The following BBS9 variants were observed in gnomAD, a reference collection of about 807,000 sequenced individuals.
The protein encoded by BBS9 is Bardet-Biedl syndrome 9.
A neutral mutation model predicts 117.7 loss-of-function variants in BBS9; 89 were observed. The ratio of observed to expected loss-of-function variants is 0.76; its 90% CI spans 0.64 to 0.90. The LOEUF is 0.90. Among genes scored for constraint, BBS9 ranks in the 40% least tolerant of loss-of-function variants. The pLI, the probability that BBS9 is intolerant of heterozygous loss-of-function variation, is 0.00. For missense variants in BBS9, 982 were observed against 1,042.2 expected (o/e 0.94, Z 0.80); for synonymous variants, 379 against 370.9 (o/e 1.02, Z -0.25).
chr7:33,610,195 G>A (rs1463937775), downstream of BBS9, among the ~76,000 whole-genome samples: 2 of 151,998 alleles, frequency 1.3e-5, no homozygotes, highest in Admixed American at 6.6e-5. Context: ...TTAAATTATT[G>A]GTTTGTTAAT....
chr7:33,265,733 C>CATGTAGCATGGAGGCCCATGCCTGTAG (rs1798699645), intron 7 of BBS9, among the ~76,000 whole-genome samples: 1 of 152,026 alleles, frequency 6.6e-6, no homozygotes, highest in Non-Finnish European at 1.5e-5. Flanking sequence ...GTTCTAGCTC[C>CATGTAGCATGGAGGCCCATGCCTGTAG]TTGGGAGGCT....
intron 21 of BBS9, among the ~76,000 whole-genome samples, chr7:33,601,816 C>T (rs1275052255): frequency 6.6e-6 from 1 of 152,126 alleles, no homozygotes; most frequent in Non-Finnish European, 1.5e-5. Flanking sequence ...CCTTGATCTC[C>T]CAGTGTCTTG....
At chr7:33,177,354 A>C (rs1214113393) in intron 4 of BBS9, 124 bp from the exon 5 acceptor site, 4 of 708,420 alleles carry the variant, frequency 5.6e-6, no homozygotes, top group Non-Finnish European at 1.0e-5. Flanking sequence ...ACAATACATA[A>C]TATTTTAGTG....
chr7:33,256,698 A>G (rs537001617), intron 5 of BBS9, among the ~76,000 whole-genome samples: 1 of 152,248 alleles, frequency 6.6e-6, no homozygotes, highest in East Asian at 1.9e-4. Context: ...CTTACTGTAT[A>G]TGGTGTATGA....
chr7:33,470,429 C>T (rs909611333), intron 19 of BBS9, among the ~76,000 whole-genome samples: 9 of 152,034 alleles, frequency 5.9e-5, no homozygotes. Flanking sequence ...TTCAGCTTCT[C>T]TCCCTAATCT....
intron 21 of BBS9, among the ~76,000 whole-genome samples, chr7:33,589,227 G>C (rs939941385): frequency 6.6e-6 from 1 of 152,054 alleles, no homozygotes; most frequent in Non-Finnish European, 1.5e-5. Context: ...AAAATGTTGT[G>C]TTTTCCTATA....
chr7:33,623,983 A>AT (rs1865526696), intron 21 of BBS9, among the ~76,000 whole-genome samples: 1 of 79,006 alleles, frequency 1.3e-5, no homozygotes, highest in South Asian at 3.5e-4. Flanking sequence ...TCATTCTATT[A>AT]TTAAAAAAAA....
At chr7:33,378,166 A>C (rs1824255628) in intron 17 of BBS9, among the ~76,000 whole-genome samples, 1 of 152,144 alleles carries the variant, frequency 6.6e-6, no homozygotes, top group Admixed American at 6.5e-5. Context: ...ATTTGTCTTT[A>C]TCACAGCACC....
intron 21 of BBS9, among the ~76,000 whole-genome samples, chr7:33,579,642 A>G (rs1859535072): frequency 6.6e-6 from 1 of 152,142 alleles, no homozygotes; most frequent in African/African-American, 2.4e-5. Flanking sequence ...CAACAACCAG[A>G]CTTCAGAATC....
Position 33,261,528 on chromosome 7 carries a change from A to G in BBS9, c.618-2762A>G, listed in dbSNP as rs1797982419. On this transcript the variant is annotated intron_variant, in intron 6 of 22. Transcript: ENST00000242067. ...ATAATGCTCTGTGTCTCGAGCTTCCATTTCTAGTAAAGTTCTCTGGGTTAC... is the reference window on the plus strand; with the variant it reads ...ATAATGCTCTGTGTCTCGAGCTTCCGTTTCTAGTAAAGTTCTCTGGGTTAC... Among the ~76,000 whole-genome samples the G allele has an allele frequency of 1.3e-5, 2 of 152,154 alleles. 1 individual carries two copies. Among genetic ancestry groups the G allele is most frequent in the South Asian group, 4.1e-4 (2 of 4,824 alleles).
At chr7:33,522,275 T>C (rs141996959) in intron 20 of BBS9, among the ~76,000 whole-genome samples, 18,863 of 151,964 alleles carry the variant, frequency 0.12, 1,250 homozygotes, top group African/African-American at 0.17. Context: ...AATCGGATTG[T>C]TGGGTCAAAT....
At chr7:33,266,890 G>A (rs1193172922) in intron 7 of BBS9, among the ~76,000 whole-genome samples, 2 of 152,092 alleles carry the variant, frequency 1.3e-5, no homozygotes, top group Non-Finnish European at 1.5e-5. Context: ...CTATAGGCAT[G>A]TATCACTATG....
chr7:33,218,443 T>G (rs537898968), intron 5 of BBS9, among the ~76,000 whole-genome samples: 1 of 152,242 alleles, frequency 6.6e-6, no homozygotes, highest in Non-Finnish European at 1.5e-5. Flanking sequence ...TAAAAGTGGC[T>G]TAAGCTCCTG....
rs545142492 is a variant in BBS9 at position 33,345,916 on chromosome 7, C to T, written c.1329+1282C>T. 3.3e-5 allele frequency among the ~76,000 whole-genome samples: 5 copies of T among 152,206 alleles called. No homozygotes were observed. In the East Asian group the frequency reaches 5.8e-4, roughly 18 times the overall value. On this transcript the variant is annotated intron_variant, in intron 12 of 22. Coordinates refer to ENST00000242067, the MANE Select transcript of BBS9 (RefSeq NM_198428.3). ...CCCCCAGCCAACCAGGAATTAGCAC[C>T]GTAAGTAAACATACCTTTCCCTCCC...
rs2128897954 is a variant in BBS9 at position 33,441,798 on chromosome 7, A to G, written c.2115+53654A>G. ...ACTTGGACTCTTGTGGAGCTCAGAA[A>G]GTTTAGGATGTGTTAAAGGAATTCC... On this transcript the variant is annotated intron_variant, in intron 19 of 22. Transcript: ENST00000242067. 2.0e-5 allele frequency among the ~76,000 whole-genome samples: 3 copies of G among 152,250 alleles called. 1 individual carries two copies. Among genetic ancestry groups the G allele is most frequent in the Admixed American group, 2.0e-4 (3 of 15,292 alleles).
intron 5 of BBS9, among the ~76,000 whole-genome samples, chr7:33,256,196 C>T (rs1342474213): frequency 1.3e-5 from 2 of 151,840 alleles, no homozygotes; most frequent in Admixed American, 1.3e-4. Flanking sequence ...ACCAAAACAA[C>T]AAAAACAAAG....
At chr7:33,252,164 G>A (rs1362369) in intron 5 of BBS9, among the ~76,000 whole-genome samples, 3,571 of 152,202 alleles carry the variant, frequency 0.023, 133 homozygotes, top group African/African-American at 0.081. Flanking sequence ...ACAAGATGTC[G>A]TGATAAATCA....
chr7:33,548,441 C>T (rs1036342201), intron 21 of BBS9, among the ~76,000 whole-genome samples: 1 of 151,402 alleles, frequency 6.6e-6, no homozygotes, highest in Non-Finnish European at 1.5e-5. Context: ...TGGTGCGCTG[C>T]ACCCACTAAC....
chr7:33,248,510 A>G (rs952915712), intron 5 of BBS9, among the ~76,000 whole-genome samples: 2 of 152,202 alleles, frequency 1.3e-5, no homozygotes, highest in Non-Finnish European at 1.5e-5. Flanking sequence ...TTTTATTTGC[A>G]TGATGATATG....
Sources: gnomAD v4.1 joint callset for allele counts (sites outside exome capture counted in the v4.1 genomes callset) on GRCh38, gnomAD v4.1.1 for gene constraint, MANE v1.5 for transcripts, NCBI Gene and HGNC (gene_info 2026-07-23, HGNC 2026-07-21) for gene names.